Variants in CEP126 observed in about 807,000 individuals in gnomAD.
The protein encoded by CEP126 is centrosomal protein 126.
A neutral mutation model predicts 107.8 loss-of-function variants in CEP126; 74 were observed. That is an observed-to-expected ratio of 0.69 (90% CI 0.57 to 0.83). The LOEUF (loss-of-function observed/expected upper bound fraction) is 0.83. CEP126 is among the 40% of genes least tolerant of loss of function. CEP126 has a pLI of 0.00. For synonymous variants in CEP126, 449 were observed against 446.0 expected (o/e 1.01, Z -0.08); for missense variants, 1,237 against 1,281.9 (o/e 0.96, Z 0.53).
intron 3 of CEP126, among the ~76,000 whole-genome samples, chr11:101,944,672 A>C (rs1005552560): frequency 6.6e-6 from 1 of 152,200 alleles, no homozygotes; most frequent in Non-Finnish European, 1.5e-5. Flanking sequence ...TGTCCTTTTA[A>C]AATTCATTTG....
intron 6 of CEP126, among the ~76,000 whole-genome samples, chr11:101,966,651 C>G (rs1355086583): frequency 6.6e-6 from 1 of 152,206 alleles, no homozygotes; most frequent in Non-Finnish European, 1.5e-5. Context: ...GATGAGCAAA[C>G]ATCCTGATCC....
At chr11:101,917,957 CT>C (rs1183680121) in intron 1 of CEP126, among the ~76,000 whole-genome samples, 1 of 152,120 alleles carries the variant, frequency 6.6e-6, no homozygotes, top group Non-Finnish European at 1.5e-5. Context: ...AGGGTTCTTT[CT>C]TTTTCCTATG....
intron 5 of CEP126, among the ~76,000 whole-genome samples, chr11:101,959,053 C>T (rs1468353944): frequency 6.6e-6 from 1 of 152,184 alleles, no homozygotes; most frequent in Non-Finnish European, 1.5e-5. Flanking sequence ...ATAACCTAGG[C>T]TTTCTACGTA....
intron 9 of CEP126, among the ~76,000 whole-genome samples, chr11:101,988,379 A>G (rs1941338022): frequency 6.6e-6 from 1 of 152,210 alleles, no homozygotes; most frequent in Admixed American, 6.5e-5. Context: ...TTAGAGAGAC[A>G]AAGAGATGGA....
chr11:101,977,832 A>ACC (rs1287934615), intron 6 of CEP126, among the ~76,000 whole-genome samples: 1 of 152,122 alleles, frequency 6.6e-6, no homozygotes, highest in Non-Finnish European at 1.5e-5. Flanking sequence ...AAATTTTAGT[A>ACC]CATTGCAGGA....
intron 2 of CEP126, among the ~76,000 whole-genome samples, chr11:101,931,917 A>G (rs1309524416): frequency 6.6e-6 from 1 of 152,212 alleles, no homozygotes; most frequent in Non-Finnish European, 1.5e-5. Flanking sequence ...TTCGGCATAT[A>G]GCTGTCATTT....
chr11:101,959,872 A>G (rs1940949453), intron 5 of CEP126, among the ~76,000 whole-genome samples: 1 of 152,236 alleles, frequency 6.6e-6, no homozygotes, highest in Non-Finnish European at 1.5e-5. Flanking sequence ...AGGCTGGAAA[A>G]AAATGAACAG....
chr11:101,928,165 T>A (rs1249400637), intron 2 of CEP126, among the ~76,000 whole-genome samples: 2 of 152,248 alleles, frequency 1.3e-5, no homozygotes, highest in Non-Finnish European at 2.9e-5. Flanking sequence ...TCTGTTCTCT[T>A]TTAGTGAAAT....
intron 2 of CEP126, among the ~76,000 whole-genome samples, chr11:101,936,693 G>A (rs1275574142): frequency 6.6e-6 from 1 of 152,132 alleles, no homozygotes; most frequent in Non-Finnish European, 1.5e-5. Context: ...GCTAGCTAGG[G>A]AATTTGGGTA....
At chr11:101,991,571 A>AC (rs1250803801) in intron 9 of CEP126, among the ~76,000 whole-genome samples, 2 of 152,182 alleles carry the variant, frequency 1.3e-5, no homozygotes, top group African/African-American at 2.4e-5. Context: ...CAGATGGAGA[A>AC]TTTCAGCAGA....
At chr11:101,979,915 C>T (rs929767267) in intron 7 of CEP126, among the ~76,000 whole-genome samples, 11 of 152,052 alleles carry the variant, frequency 7.2e-5, no homozygotes, top group Non-Finnish European at 1.5e-4. Flanking sequence ...GGAATTTCCA[C>T]TTTAAATATC....
chr11:101,989,675 A>G (rs971468368), intron 9 of CEP126, among the ~76,000 whole-genome samples: 11 of 152,098 alleles, frequency 7.2e-5, no homozygotes, highest in Non-Finnish European at 1.5e-4. Flanking sequence ...AAACACAGAA[A>G]CAGGCCGGGC....
At chr11:101,981,849 A>G (rs1355847276) in intron 7 of CEP126, 40 bp from the exon 8 acceptor site, 1 of 1,202,944 alleles carries the variant, frequency 8.3e-7, no homozygotes. Context: ...TGAATTTTAA[A>G]TATGGAAATA....
chr11:101,959,331 C>G (rs966795844), intron 5 of CEP126, among the ~76,000 whole-genome samples: 28 of 151,762 alleles, frequency 1.8e-4, no homozygotes, highest in Non-Finnish European at 3.4e-4. Flanking sequence ...AATTTTTGTA[C>G]TTTTAGTAGA....
At chr11:101,971,115 G>T (rs1024513435) in intron 6 of CEP126, among the ~76,000 whole-genome samples, 1 of 151,964 alleles carries the variant, frequency 6.6e-6, no homozygotes, top group Non-Finnish European at 1.5e-5. Context: ...CCACAGGTGC[G>T]CACCACCATG....
At chr11:101,942,345 A>G (rs1176223416) in intron 2 of CEP126, among the ~76,000 whole-genome samples, 2 of 152,068 alleles carry the variant, frequency 1.3e-5, no homozygotes, top group African/African-American at 2.4e-5. Flanking sequence ...TGCAGTATCC[A>G]GATATCCAAC....
chr11:101,977,645 A>G (rs1252755917), intron 6 of CEP126, among the ~76,000 whole-genome samples: 10 of 150,990 alleles, frequency 6.6e-5, no homozygotes, highest in African/African-American at 9.7e-5. Flanking sequence ...AAAAAAAAAA[A>G]AAAAAGAAAA....
intron 2 of CEP126, among the ~76,000 whole-genome samples, chr11:101,931,225 AT>A (rs1940494696): frequency 6.6e-6 from 1 of 152,126 alleles, no homozygotes; most frequent in East Asian, 1.9e-4. Flanking sequence ...TTTCCTTTGT[AT>A]GATGTATATT....
intron 2 of CEP126, among the ~76,000 whole-genome samples, chr11:101,928,302 A>C (rs1442769580): frequency 6.6e-6 from 1 of 152,122 alleles, no homozygotes; most frequent in Non-Finnish European, 1.5e-5. Flanking sequence ...ATTTTCTCCT[A>C]CCTTGGAGAT....
Sources: allele counts gnomAD v4.1 joint callset (sites outside exome capture counted in the v4.1 genomes callset), GRCh38; gene constraint gnomAD v4.1.1; transcripts MANE v1.5; gene names NCBI Gene and HGNC (gene_info 2026-07-23, HGNC 2026-07-21).